Variants in SLC24A3 observed in about 807,000 individuals in gnomAD.
The protein encoded by SLC24A3 is solute carrier family 24 member 3, also known as sodium/potassium/calcium exchanger 3.
Under a neutral mutation model 75.8 loss-of-function variants are expected in SLC24A3, and 28 were observed. The ratio of observed to expected loss-of-function variants is 0.37; its 90% CI spans 0.27 to 0.51. The LOEUF is 0.51. Ranked by LOEUF, SLC24A3 falls within the 20% of genes least tolerant of loss-of-function variation. SLC24A3 has a pLI of 0.94. For missense variants in SLC24A3, 663 were observed against 847.8 expected, an observed-to-expected ratio of 0.78 and a Z score of 2.71; for synonymous variants, 372 against 334.1, an observed-to-expected ratio of 1.11 and a Z score of -1.24.
At position 19,212,726 on chromosome 20, in the gene SLC24A3, C is replaced by A. The variant is rs1981435709; in HGVS notation, c.-117C>A. ...GGCGGAGGCGGCGGCCGGGTGGGAGCGCAGCGAGGACGCGCGGCTGCTGCG... is the reference window on the plus strand; with the variant it reads ...GGCGGAGGCGGCGGCCGGGTGGGAGAGCAGCGAGGACGCGCGGCTGCTGCG... On this transcript the variant is annotated 5_prime_UTR_variant, in exon 1 of 17. Transcript: ENST00000328041. 2.3e-5 allele frequency: 19 copies of A among 815,448 alleles called. No individual in the cohort carries two copies. The highest frequency in any genetic ancestry group is 1.2e-3 in the Middle Eastern group (2 of 1,662). 50.5% of individuals were successfully genotyped at this position (815,448 alleles called of 1,614,324 possible).
At chr20:19,693,174 C>A in intron 12 of SLC24A3, 85 bp from the exon 13 acceptor site, 1 of 1,406,674 alleles carries the variant, frequency 7.1e-7, no homozygotes, top group Admixed American at 2.4e-5. Context: ...GCAGTACAGA[C>A]ACTTGGCAGA....
At chr20:19,422,330 G>C (rs556251611) in intron 2 of SLC24A3, among the ~76,000 whole-genome samples, 1 of 152,222 alleles carries the variant, frequency 6.6e-6, no homozygotes, top group East Asian at 1.9e-4. Flanking sequence ...GAGAGGGCAG[G>C]CTGCTACTGG....
At chr20:19,367,401 G>A (rs1985911185) in intron 2 of SLC24A3, among the ~76,000 whole-genome samples, 1 of 152,090 alleles carries the variant, frequency 6.6e-6, no homozygotes, top group Admixed American at 6.5e-5. Flanking sequence ...TTTTCACTGA[G>A]GTGAAACAGA....
chr20:19,468,215 A>G (rs939025717), intron 2 of SLC24A3, among the ~76,000 whole-genome samples: 1 of 152,182 alleles, frequency 6.6e-6, no homozygotes, highest in African/African-American at 2.4e-5. Context: ...GACAGTGGAT[A>G]CTGAACAAGA....
intron 2 of SLC24A3, among the ~76,000 whole-genome samples, chr20:19,424,725 T>A (rs1986971113): frequency 1.1e-5 from 1 of 88,294 alleles, no homozygotes. Flanking sequence ...TGAGACCCTT[T>A]CTCAAAAAAA....
chr20:19,331,392 A>G (rs916250989), intron 2 of SLC24A3, among the ~76,000 whole-genome samples: 1 of 152,170 alleles, frequency 6.6e-6, no homozygotes, highest in African/African-American at 2.4e-5. Flanking sequence ...AGGTAGGTAG[A>G]TAGAGTAGAT....
intron 6 of SLC24A3, among the ~76,000 whole-genome samples, chr20:19,614,113 T>C (rs992062063): frequency 1.3e-5 from 2 of 152,180 alleles, no homozygotes; most frequent in African/African-American, 2.4e-5. Flanking sequence ...CTTTAAGAGA[T>C]TGCAATTGAG....
chr20:19,226,258 T>A, intron 1 of SLC24A3, among the ~76,000 whole-genome samples: 1 of 152,206 alleles, frequency 6.6e-6, no homozygotes, highest in East Asian at 1.9e-4. Flanking sequence ...TTGCATACCC[T>A]GTATAAGACC....
intron 2 of SLC24A3, among the ~76,000 whole-genome samples, chr20:19,502,628 C>G (rs1416704493): frequency 6.6e-6 from 1 of 152,080 alleles, no homozygotes; most frequent in Non-Finnish European, 1.5e-5. Flanking sequence ...TTACAATCCT[C>G]TGATAATTCA....
chr20:19,476,631 A>C (rs1987966213), intron 2 of SLC24A3, among the ~76,000 whole-genome samples: 1 of 152,242 alleles, frequency 6.6e-6, no homozygotes, highest in South Asian at 2.1e-4. Context: ...ACTAGCATTC[A>C]AAATATGTAA....
At chr20:19,681,479 G>A (rs2032615036) in intron 9 of SLC24A3, among the ~76,000 whole-genome samples, 1 of 152,150 alleles carries the variant, frequency 6.6e-6, no homozygotes, top group Non-Finnish European at 1.5e-5. Flanking sequence ...TGGAGATGTG[G>A]CCCAGAGAAG....
At chr20:19,435,595 G>A (rs1021763217) in intron 2 of SLC24A3, among the ~76,000 whole-genome samples, 2 of 152,314 alleles carry the variant, frequency 1.3e-5, no homozygotes, top group African/African-American at 4.8e-5. Context: ...TGTGCTTAAA[G>A]TACTCACGGT....
At chr20:19,254,680 G>T (rs1333672969) in intron 1 of SLC24A3, among the ~76,000 whole-genome samples, 1 of 152,230 alleles carries the variant, frequency 6.6e-6, no homozygotes, top group Non-Finnish European at 1.5e-5. Flanking sequence ...GGCCACACAT[G>T]TTCCCTGGAG....
At chr20:19,319,281 T>C (rs1182476670) in intron 2 of SLC24A3, among the ~76,000 whole-genome samples, 1 of 152,246 alleles carries the variant, frequency 6.6e-6, no homozygotes, top group Non-Finnish European at 1.5e-5. Context: ...GTGTGTTTAT[T>C]ACTTAAAAAG....
chr20:19,475,592 G>C (rs1251143943), intron 2 of SLC24A3, among the ~76,000 whole-genome samples: 2 of 152,084 alleles, frequency 1.3e-5, no homozygotes, highest in African/African-American at 4.8e-5. Context: ...GACATGACCA[G>C]TTAGAAGATA....
chr20:19,639,904 G>GGGCCGGCT (rs1264154598), intron 6 of SLC24A3, among the ~76,000 whole-genome samples: 1 of 152,260 alleles, frequency 6.6e-6, no homozygotes, highest in African/African-American at 2.4e-5. Context: ...TGGGCCGGCA[G>GGGCCGGCT]GGCCGGCTGG....
chr20:19,617,109 C>T (rs1436053698), intron 6 of SLC24A3, among the ~76,000 whole-genome samples: 4 of 152,178 alleles, frequency 2.6e-5, no homozygotes, highest in African/African-American at 7.2e-5. Context: ...ATGACCCCAG[C>T]CTAGAAAGCA....
chr20:19,631,367 A>T (rs1291394751), intron 6 of SLC24A3, among the ~76,000 whole-genome samples: 3 of 152,164 alleles, frequency 2.0e-5, no homozygotes, highest in Admixed American at 2.0e-4. Context: ...ATAAAAAGAT[A>T]TTGTGAATAT....
intron 2 of SLC24A3, among the ~76,000 whole-genome samples, chr20:19,450,449 A>T (rs1038739414): frequency 6.6e-6 from 1 of 151,926 alleles, no homozygotes; most frequent in Admixed American, 6.6e-5. Flanking sequence ...GAGGGGAGGG[A>T]GGTTGGAGGG....
Sources: allele counts gnomAD v4.1 joint callset (sites outside exome capture counted in the v4.1 genomes callset), GRCh38; gene constraint gnomAD v4.1.1; transcripts MANE v1.5; gene names NCBI Gene and HGNC (gene_info 2026-07-23, HGNC 2026-07-21).